DYNC2H1: variants seen among roughly 807,000 people sequenced by gnomAD.
DYNC2H1 encodes the protein dynein cytoplasmic 2 heavy chain 1, also known as cytoplasmic dynein 2 heavy chain 1.
DYNC2H1 carries 410 observed loss-of-function variants against 570.0 expected under a neutral mutation model. That is an observed-to-expected ratio of 0.72 (90% CI 0.66 to 0.78). The LOEUF is 0.78. Ranked by LOEUF, DYNC2H1 falls within the 30% of genes least tolerant of loss-of-function variation. The probability of loss-of-function intolerance (pLI) is 0.00; values close to 1 mark genes in which losing one functional copy is unlikely to be tolerated. For missense variants in DYNC2H1, 4,865 were observed against 5,046.4 expected (o/e 0.96, Z 1.09); for synonymous variants, 1,688 against 1,677.6 (o/e 1.01, Z -0.15).
chr11:103,210,812 A>G (rs1863127974), intron 53 of DYNC2H1, among the ~76,000 whole-genome samples: 1 of 152,006 alleles, frequency 6.6e-6, no homozygotes, highest in Non-Finnish European at 1.5e-5. Flanking sequence ...TAAGTACTAG[A>G]TGAAGAGGGA....
intron 54 of DYNC2H1, among the ~76,000 whole-genome samples, chr11:103,213,178 G>T (rs553604171): frequency 1.7e-4 from 26 of 152,024 alleles, no homozygotes; most frequent in Non-Finnish European, 1.0e-4. Flanking sequence ...TGCAGGTAAG[G>T]CAAGTGAATG....
Position 103,479,101 on chromosome 11 carries a change from T to C in DYNC2H1, c.12772T>C (p.Cys4258Arg), listed in dbSNP as rs776645195. Residue 4258 changes from cysteine to arginine, a missense_variant, in exon 89 of 89, where the codon TGT (cysteine) becomes CGT (arginine). Cys to Arg is a radical substitution (Grantham distance 180, BLOSUM62 -3). Around this residue, in one of 5 missense-constraint regions of DYNC2H1, gnomAD observed 2,401 missense variants for 2,454.6 expected, o/e 0.98. Coordinates refer to ENST00000375735, the MANE Select transcript of DYNC2H1 (RefSeq NM_001377.3). ...CAAGTTATTTTTTAAACAGGATGCA[T>C]GTGGTCCATATTCTCCGGATGAGTG... ...CFMGWIPQDA[C>R]GPYSPDECIS... The C allele has an allele frequency of 1.7e-5, 27 of 1,613,790 alleles. No individual in the cohort carries two copies. The highest frequency in any genetic ancestry group is 2.1e-5 in the Non-Finnish European group (25 of 1,179,832).
At chr11:103,425,798 A>G (rs1354641540) in intron 84 of DYNC2H1, among the ~76,000 whole-genome samples, 2 of 151,718 alleles carry the variant, frequency 1.3e-5, no homozygotes, top group Non-Finnish European at 2.9e-5. Context: ...AATTATACAT[A>G]ACAAAAAAAA....
At chr11:103,310,714 G>T (rs2135413880) in intron 78 of DYNC2H1, among the ~76,000 whole-genome samples, 2 of 101,282 alleles carry the variant, frequency 2.0e-5, no homozygotes, top group Admixed American at 1.5e-4. Context: ...ACTGAGTCTT[G>T]CTCTGTGCCC....
At position 103,170,402 on chromosome 11, in the gene DYNC2H1, A is replaced by T. The variant is rs1324818160; in HGVS notation, c.5151+112A>T. The T allele has an allele frequency of 3.6e-6, 4 of 1,110,476 alleles. No individual in the cohort carries two copies. In the African/African-American group the frequency reaches 4.8e-5, roughly 13 times the overall value. 68.8% of individuals were successfully genotyped at this position (1,110,476 alleles called of 1,614,324 possible). ...AAATCACTACATTTAAATTAGTTGAAGACAGAATTTGTTTAAATTGAAATG... is the reference window on the plus strand; with the variant it reads ...AAATCACTACATTTAAATTAGTTGATGACAGAATTTGTTTAAATTGAAATG... On this transcript the variant is annotated intron_variant, in intron 33 of 88. Transcript: ENST00000375735. The surrounding 1 kb of genome is among the most constrained non-coding windows in gnomAD (Gnocchi z 4.8).
chr11:103,229,306 T>C (rs1002960327), intron 59 of DYNC2H1, among the ~76,000 whole-genome samples: 3 of 152,208 alleles, frequency 2.0e-5, no homozygotes, highest in Non-Finnish European at 4.4e-5. Flanking sequence ...AAGTTCACCA[T>C]GTAAGTCTCC....
intron 1 of DYNC2H1, among the ~76,000 whole-genome samples, chr11:103,111,968 C>A (rs1303343886): frequency 6.6e-6 from 1 of 152,096 alleles, no homozygotes; most frequent in Non-Finnish European, 1.5e-5. Flanking sequence ...TAAACGCATG[C>A]TACAGATATA....
At chr11:103,433,251 C>A (rs1191028991) in intron 84 of DYNC2H1, among the ~76,000 whole-genome samples, 2 of 151,958 alleles carry the variant, frequency 1.3e-5, no homozygotes, top group Non-Finnish European at 2.9e-5. Context: ...ATGTAAGCTC[C>A]ATAATAGCAA....
At chr11:103,310,339 T>A (rs569044929) in intron 78 of DYNC2H1, among the ~76,000 whole-genome samples, 3 of 152,262 alleles carry the variant, frequency 2.0e-5, no homozygotes, top group Non-Finnish European at 4.4e-5. Flanking sequence ...ACTGAAATTG[T>A]TCTAAGTCTG....
rs1282260600 is a variant in DYNC2H1, at chr11:103,170,109, G to A, written c.4970G>A (p.Gly1657Asp). 6.2e-7 allele frequency: 1 copy of A among 1,609,658 alleles called. No individual in the cohort carries two copies. Among genetic ancestry groups the A allele is most frequent in the Non-Finnish European group, 8.5e-7 (1 of 1,177,944 alleles). ...SEFQYTYEYQ[G>D]NASKLVYTPL... ...TGACTTTGTGTTGTTCTTGTATAGG[G>A]TAATGCTTCCAAACTGGTTTATACT... The change falls in exon 33 of 89, where the codon GGT (glycine) becomes GAT (aspartate). Residue 1657 changes from glycine to aspartate, a missense_variant and splice_region_variant. Physicochemically the swap from Gly to Asp is moderately conservative, Grantham distance 94 (BLOSUM62 -1). This residue lies in a region of DYNC2H1 where 1,936 missense variants were observed against 1,962.1 expected (regional missense o/e 0.99). Transcript: ENST00000375735. This position sits in a 1 kb window ranked among gnomAD's most constrained non-coding sequence, Gnocchi z 4.8.
rs1022428797 is a variant in DYNC2H1 at position 103,256,068 on chromosome 11, A to G, written c.10327-38A>G. 12 of 1,510,234 alleles carry G rather than the reference A, an allele frequency of 7.9e-6. No homozygotes were observed. Among genetic ancestry groups the G allele is most frequent in the Admixed American group, 2.1e-5 (1 of 48,122 alleles). 93.6% of individuals were successfully genotyped at this position (1,510,234 alleles called of 1,614,324 possible). A position where few individuals can be genotyped will look rare whatever the true frequency, so the allele number is the denominator to read the frequency against. ...GTTTGCTTTAATTGGTTATTTTTAT[A>G]TGTATAATAATATTCATATTGTTAA... is the stretch of plus-strand genomic sequence containing the variant. On this transcript the variant is annotated intron_variant, in intron 67 of 88. Transcript: ENST00000375735. This position sits in a 1 kb window ranked among gnomAD's most constrained non-coding sequence, Gnocchi z 4.0.
Position 103,236,543 on chromosome 11 carries a change from G to A in DYNC2H1, c.9819+4G>A, listed in dbSNP as rs1438475424. 2 of 1,465,950 alleles carry A rather than the reference G, an allele frequency of 1.4e-6. No individual in the cohort carries two copies. The highest frequency in any genetic ancestry group is 1.4e-5 in the African/African-American group (1 of 71,008). The allele number at this position is 1,465,950 out of a possible 1,614,324, so 90.8% of individuals were successfully genotyped here. A position where few individuals can be genotyped will look rare whatever the true frequency, so the allele number is the denominator to read the frequency against. On this transcript the variant is annotated splice_donor_region_variant and intron_variant, in intron 63 of 88. Transcript: ENST00000375735. Reference sequence around the variant, plus strand: ...AAATGCTCTTGTAATATTACAGGTAGTTAATTTATTTTAATTTTTTTATTA... The same window carrying A: ...AAATGCTCTTGTAATATTACAGGTAATTAATTTATTTTAATTTTTTTATTA...
intron 59 of DYNC2H1, among the ~76,000 whole-genome samples, chr11:103,227,084 CT>C (rs1368335981): frequency 6.6e-6 from 1 of 151,998 alleles, no homozygotes; most frequent in Admixed American, 6.6e-5. Flanking sequence ...CTCTTCTTTT[CT>C]TGGTTAATCT....
chr11:103,343,254 G>T (rs1939564136), intron 82 of DYNC2H1, among the ~76,000 whole-genome samples: 1 of 152,164 alleles, frequency 6.6e-6, no homozygotes. Flanking sequence ...AGTCGCCCAA[G>T]CGCAACTCGA....
In DYNC2H1 at chr11:103,181,900, A is replaced by T. The variant is rs111970770; in HGVS notation, c.6477+14A>T. On this transcript the variant is annotated intron_variant, in intron 40 of 88. Transcript: ENST00000375735. This position sits in a 1 kb window ranked among gnomAD's most constrained non-coding sequence, Gnocchi z 5.0. ...GTTCTAAAGCAGGTAAATTAACCAT[A>T]ATATTTCATAATTAATCGAGGTGAG... 7.6e-4 allele frequency: 1,218 copies of T among 1,596,704 alleles called. 11 individuals are homozygous for T. The African/African-American group carries it at 0.015, about 20-fold the overall frequency.
chr11:103,379,819 C>T (rs1941562046), intron 83 of DYNC2H1, among the ~76,000 whole-genome samples: 1 of 152,182 alleles, frequency 6.6e-6, no homozygotes, highest in Admixed American at 6.5e-5. Flanking sequence ...CTCCAGCATG[C>T]TCCAGAAGCC....
chr11:103,310,488 A>C (rs1046637651), intron 78 of DYNC2H1, among the ~76,000 whole-genome samples: 2 of 151,906 alleles, frequency 1.3e-5, no homozygotes, highest in African/African-American at 2.4e-5. Context: ...TATGATCTTT[A>C]GTGTAGTGCC....
At chr11:103,459,035 C>G (rs1056510168) in intron 87 of DYNC2H1, among the ~76,000 whole-genome samples, 1 of 151,716 alleles carries the variant, frequency 6.6e-6, no homozygotes, top group African/African-American at 2.4e-5. Flanking sequence ...CCAGGCCGGG[C>G]GCGGTGGCTC....
chr11:103,362,286 G>C (rs374991761), intron 83 of DYNC2H1, among the ~76,000 whole-genome samples: 117 of 145,528 alleles, frequency 8.0e-4, no homozygotes, highest in Non-Finnish European at 1.4e-3. Flanking sequence ...AATAAATATA[G>C]ACATTCCTGC....
Sources: allele counts gnomAD v4.1 joint callset (sites outside exome capture counted in the v4.1 genomes callset), GRCh38; gene constraint gnomAD v4.1.1; regional missense constraint gnomAD v4.1.1; non-coding constraint Gnocchi (gnomAD v3.1); transcripts MANE v1.5; gene names NCBI Gene and HGNC (gene_info 2026-07-23, HGNC 2026-07-21).